The following ANAPC10 variants were observed in gnomAD, a reference collection of about 807,000 sequenced individuals.
The protein encoded by ANAPC10 is anaphase promoting complex subunit 10.
In ANAPC10, 12 loss-of-function variants were observed where a neutral mutation model predicts 22.0. That is an observed-to-expected ratio of 0.55 (90% confidence interval 0.35 to 0.88). The LOEUF (loss-of-function observed/expected upper bound fraction) is 0.88. Ranked by LOEUF, ANAPC10 falls within the 40% of genes least tolerant of loss-of-function variation. The pLI is 0.01. For missense variants in ANAPC10, 188 were observed against 220.9 expected (o/e 0.85, Z 0.94); for synonymous variants, 65 against 69.5 (o/e 0.94, Z 0.32).
At chr4:145,042,129 G>T (rs1739607394) in intron 4 of ANAPC10, among the ~76,000 whole-genome samples, 1 of 152,104 alleles carries the variant, frequency 6.6e-6, no homozygotes, top group South Asian at 2.1e-4. Flanking sequence ...CTGAATGAAG[G>T]TTGAGACTGC....
chr4:145,036,030 G>A (rs1225857808), intron 4 of ANAPC10, among the ~76,000 whole-genome samples: 3 of 151,644 alleles, frequency 2.0e-5, no homozygotes, highest in African/African-American at 4.8e-5. Context: ...GACATATGTT[G>A]GTAACCAACA....
At chr4:145,015,063 C>T (rs1734894760) in intron 4 of ANAPC10, among the ~76,000 whole-genome samples, 1 of 151,934 alleles carries the variant, frequency 6.6e-6, no homozygotes, top group South Asian at 2.1e-4. Flanking sequence ...ATTGGCTCAC[C>T]AGCAGTGGAT....
intron 4 of ANAPC10, among the ~76,000 whole-genome samples, chr4:145,013,608 G>A (rs1025832405): frequency 7.9e-5 from 12 of 152,214 alleles, no homozygotes; most frequent in East Asian, 5.8e-4. Context: ...GCTCTGACTC[G>A]GATGAACAGA....
At chr4:145,009,521 A>G (rs1251621222) in intron 4 of ANAPC10, among the ~76,000 whole-genome samples, 1 of 152,164 alleles carries the variant, frequency 6.6e-6, no homozygotes, top group Non-Finnish European at 1.5e-5. Context: ...AATACCACAC[A>G]TCTACAACCA....
chr4:145,081,738 T>A lies in ANAPC10; in HGVS notation c.128A>T (p.Asp43Val). ...TTCTAGATTGTCATCTCGTAACTGA[T>A]CCACTCCAAATCCTAAAAACACCAA... ...LSSCKPGFGV[D>V]QLRDDNLETY... Residue 43 changes from aspartate (D) to valine (V), a missense_variant, in exon 3 of 5, where the codon GAT becomes GTT. Transcript: ENST00000507656. 1 of 1,612,504 alleles carries A rather than the reference T, an allele frequency of 6.2e-7. No homozygotes were observed. The highest frequency in any genetic ancestry group is 8.5e-7 in the Non-Finnish European group (1 of 1,179,224).
At chr4:145,010,891 C>A (rs2126920138) in intron 4 of ANAPC10, among the ~76,000 whole-genome samples, 1 of 151,784 alleles carries the variant, frequency 6.6e-6, no homozygotes, top group East Asian at 1.9e-4. Context: ...GAAAAAAAAA[C>A]AAAAATATAC....
intron 4 of ANAPC10, among the ~76,000 whole-genome samples, chr4:145,008,312 G>A (rs942468974): frequency 1.3e-5 from 2 of 152,182 alleles, no homozygotes; most frequent in African/African-American, 4.8e-5. Flanking sequence ...TAGAAAAAGA[G>A]GGAATCCTCC....
At chr4:145,098,228 C>G (rs751137240), upstream of ANAPC10, 7 of 152,366 alleles carry the variant, frequency 4.6e-5, no homozygotes, top group Non-Finnish European at 1.0e-4. Context: ...TCATATCTCC[C>G]TACCTACCTC....
intron 4 of ANAPC10, among the ~76,000 whole-genome samples, chr4:145,049,078 G>C (rs971854471): frequency 6.6e-6 from 1 of 152,150 alleles, no homozygotes; most frequent in Non-Finnish European, 1.5e-5. Flanking sequence ...TCTATTAAGT[G>C]TGTAATAGCA....
chr4:145,090,335 C>T (rs1476738883), intron 2 of ANAPC10, among the ~76,000 whole-genome samples: 8 of 152,066 alleles, frequency 5.3e-5, no homozygotes, highest in Non-Finnish European at 8.8e-5. Flanking sequence ...TTTTTTCCAA[C>T]TATTTTCAAC....
chr4:145,048,594 C>T (rs995168864), intron 4 of ANAPC10, among the ~76,000 whole-genome samples: 3 of 152,022 alleles, frequency 2.0e-5, no homozygotes, highest in Admixed American at 6.6e-5. Context: ...TAGTTGACAG[C>T]GCTGACATAT....
In ANAPC10 at chr4:145,079,083, C is replaced by T. The variant is rs192010848; in HGVS notation, c.206+2577G>A. 4.6e-4 allele frequency among the ~76,000 whole-genome samples: 70 copies of T among 152,200 alleles called. No individual in the cohort carries two copies. In the East Asian group the frequency reaches 8.9e-3, roughly 19 times the overall value. ...TCAGCACAGCAAAAGAAACTATTAA[C>T]GGAGTAAACAGACAACCTACAGGAT... On this transcript the variant is annotated intron_variant, in intron 3 of 4. Transcript: ENST00000507656.
intron 4 of ANAPC10, among the ~76,000 whole-genome samples, chr4:145,015,166 C>A (rs1734914140): frequency 6.6e-6 from 1 of 151,510 alleles, no homozygotes; most frequent in African/African-American, 2.4e-5. Context: ...AAGGCAAAGC[C>A]CAATGCAAGG....
chr4:145,080,771 G>A (rs920057091), intron 3 of ANAPC10, among the ~76,000 whole-genome samples: 1 of 152,018 alleles, frequency 6.6e-6, no homozygotes, highest in Non-Finnish European at 1.5e-5. Context: ...GCCGGGCGTG[G>A]TGGCGCATGC....
At chr4:145,015,477 T>C (rs933748492) in intron 4 of ANAPC10, among the ~76,000 whole-genome samples, 3 of 151,986 alleles carry the variant, frequency 2.0e-5, no homozygotes, top group Non-Finnish European at 2.9e-5. Context: ...TCGGTGTTCC[T>C]GAAGAAGAAG....
At chr4:145,012,925 G>A (rs1176158184) in intron 4 of ANAPC10, among the ~76,000 whole-genome samples, 3 of 152,182 alleles carry the variant, frequency 2.0e-5, no homozygotes, top group African/African-American at 7.2e-5. Flanking sequence ...TTCCCCTTTG[G>A]TGCTGTTCTC....
chr4:145,016,024 G>C (rs939782497), intron 4 of ANAPC10, among the ~76,000 whole-genome samples: 1 of 152,074 alleles, frequency 6.6e-6, no homozygotes, highest in African/African-American at 2.4e-5. Flanking sequence ...TACTGAATGG[G>C]CAAAAACTGG....
At chr4:145,034,959 G>T (rs543512736) in intron 4 of ANAPC10, among the ~76,000 whole-genome samples, 5 of 152,152 alleles carry the variant, frequency 3.3e-5, no homozygotes, top group Non-Finnish European at 7.3e-5. Flanking sequence ...GGAGCCATCA[G>T]TCAGTTACTG....
At chr4:145,054,632 TGTGTGTGTGCGCGCGCGCGCGCGTGC>T (rs1741704406) in intron 4 of ANAPC10, among the ~76,000 whole-genome samples, 1 of 110,032 alleles carries the variant, frequency 9.1e-6, no homozygotes, top group Non-Finnish European at 1.8e-5. Flanking sequence ...TGTGTGTGTG[TGTGTGTGTGCGCGCGCGCGCGCGTGC>T]GTGCAGCGCA....
Sources: gnomAD v4.1 joint callset for allele counts (sites outside exome capture counted in the v4.1 genomes callset) on GRCh38, gnomAD v4.1.1 for gene constraint, MANE v1.5 for transcripts, NCBI Gene and HGNC (gene_info 2026-07-23, HGNC 2026-07-21) for gene names.